The following SIGLEC6 variants were observed in gnomAD, a reference collection of about 807,000 sequenced individuals.
The protein encoded by SIGLEC6 is sialic acid-binding Ig-like lectin 6.
In SIGLEC6, 31 loss-of-function variants were observed where a neutral mutation model predicts 41.4. The observed-to-expected ratio is 0.75, with a 90% confidence interval of 0.56 to 1.01. The LOEUF is 1.01. SIGLEC6 is among the 50% of genes least tolerant of loss of function. SIGLEC6 has a pLI of 0.00. For synonymous variants in SIGLEC6, 217 were observed against 231.0 expected, an observed-to-expected ratio of 0.94 and a Z score of 0.55; for missense variants, 555 against 558.6, an observed-to-expected ratio of 0.99 and a Z score of 0.06.
intron 4 of SIGLEC6, 86 bp from the exon 5 acceptor site, chr19:51,530,067 G>T (rs894279548): frequency 8.9e-6 from 13 of 1,458,490 alleles, no homozygotes; most frequent in Non-Finnish European, 1.1e-5. Flanking sequence ...GTCCACACTA[G>T]CTCTGAGGAG....
chr19:51,521,418 G>A (rs958103537), intron 7 of SIGLEC6, among the ~76,000 whole-genome samples: 4 of 152,176 alleles, frequency 2.6e-5, no homozygotes, highest in African/African-American at 4.8e-5. Context: ...GTGACAGTGC[G>A]TGAATGGCTA....
chr19:51,527,154 CT>C (rs1979365157), intron 7 of SIGLEC6, among the ~76,000 whole-genome samples: 1 of 152,196 alleles, frequency 6.6e-6, no homozygotes, highest in Non-Finnish European at 1.5e-5. Context: ...TCCCCAACCT[CT>C]CTAGAGAGGT....
In SIGLEC6 at chr19:51,531,366, A is replaced by G. The variant is rs1397059700; in HGVS notation, c.221T>C (p.Val74Ala). Reference protein sequence around the residue: ...YGYWFLEGADVPVATNDPDEE... With the variant: ...YGYWFLEGADAPVATNDPDEE... ...GTCTGGGTCGTTTGTGGCCACTGGAACATCAGCCCCTTCCAGGAACCAGTA... is the reference window on the plus strand; with the variant it reads ...GTCTGGGTCGTTTGTGGCCACTGGAGCATCAGCCCCTTCCAGGAACCAGTA... The change falls in exon 2 of 8, where the codon GTT becomes GCT. Residue 74 changes from valine (V) to alanine (A), a missense_variant. By Grantham distance (64) the Val-to-Ala change is moderately conservative. Transcript: ENST00000425629. 6.2e-7 allele frequency: 1 copy of G among 1,614,120 alleles called. No homozygotes were observed. Among genetic ancestry groups the G allele is most frequent in the Non-Finnish European group, 8.5e-7 (1 of 1,180,000 alleles).
chr19:51,526,253 T>G (rs1272401253), intron 7 of SIGLEC6, among the ~76,000 whole-genome samples: 1 of 151,894 alleles, frequency 6.6e-6, no homozygotes, highest in Non-Finnish European at 1.5e-5. Context: ...GAGTGCCAAG[T>G]CAAGATCTGT....
At chr19:51,520,459 G>A (rs900402717) in intron 7 of SIGLEC6, among the ~76,000 whole-genome samples, 8 of 151,898 alleles carry the variant, frequency 5.3e-5, no homozygotes, top group African/African-American at 1.5e-4. Context: ...GCATGATCAC[G>A]GCTCAGGCAG....
Position 51,528,253 on chromosome 19 carries a change from C to T in SIGLEC6, c.1013G>A (p.Trp338Ter), listed in dbSNP as rs1979573454. 1 of 1,613,638 alleles carries T rather than the reference C, an allele frequency of 6.2e-7. No homozygotes were observed. Residue 338 changes from tryptophan to a stop codon, truncating the protein, a stop_gained and splice_region_variant, in exon 6 of 8, where the codon TGG (tryptophan) becomes TAG (stop). Coordinates refer to ENST00000425629, the MANE Select transcript of SIGLEC6 (RefSeq NM_001245.7). LOFTEE classifies it high-confidence loss of function. ...ACCACCAGCCCTGCCTTCTGGTTTC[C>T]CTATAATTTGAATTTTAAGTGAACT... ...LQISLSLFVH[W>*]KPEGRAGGVL...
Position 51,529,001 on chromosome 19 carries a change from C to CAAAAAAAAAA in SIGLEC6, c.1012+713_1012+722dup, listed in dbSNP as rs3072157. ...CTGGCAACAGAGTGAGACCCTCTCT[C>CAAAAAAAAAA]AAAAAAAAAAAAAAAAAGGGAAAAT... On this transcript the variant is annotated intron_variant, in intron 5 of 7. Transcript: ENST00000425629. Among the ~76,000 whole-genome samples the CAAAAAAAAAA allele has an allele frequency of 2.9e-4, 27 of 92,804 alleles. 1 individual carries two copies. The highest frequency in any genetic ancestry group is 1.0e-3 in the African/African-American group (23 of 21,962). 60.9% of individuals were successfully genotyped at this position (92,804 alleles called of 152,430 possible). A position where few individuals can be genotyped will look rare whatever the true frequency, so the allele number is the denominator to read the frequency against.
Position 51,529,862 on chromosome 19 carries a change from C to G in SIGLEC6, c.874G>C (p.Ala292Pro), listed in dbSNP as rs1420960508. 1 of 1,614,096 alleles carries G rather than the reference C, an allele frequency of 6.2e-7. No individual in the cohort carries two copies. The highest frequency in any genetic ancestry group is 1.1e-5 in the South Asian group (1 of 91,064). The change falls in exon 5 of 8, where the codon GCC becomes CCC. Residue 292 changes from alanine to proline, a missense_variant. Physicochemically the swap from Ala to Pro is conservative, Grantham distance 27 (BLOSUM62 -1). Coordinates refer to ENST00000425629, the MANE Select transcript of SIGLEC6 (RefSeq NM_001245.7). Reference sequence around the variant, plus strand: ...TTGGAGATGGGGGTGGCGTTCAGGGCGGGGAAGCCCTGGAACCAGCTCAGG... The same window carrying G: ...TTGGAGATGGGGGTGGCGTTCAGGGGGGGGAAGCCCTGGAACCAGCTCAGG... ...AHLSWFQGFP[A>P]LNATPISNTG...
chr19:51,528,513 A>T (rs909828072), intron 5 of SIGLEC6: 2 of 532,288 alleles, frequency 3.8e-6, no homozygotes, highest in African/African-American at 3.8e-5. Flanking sequence ...ATTTCTCTGG[A>T]GCAGTTAGGG....
rs562892015 is a variant in SIGLEC6 at position 51,529,803 on chromosome 19, A to G, written c.933T>C (p.Ser311=). Reference sequence around the variant, plus strand: ...GGCAGGTGAAATCTCCTTCTTCTGCAGACCCTACTTGAGGCAGCTCCAGGA... The same window carrying G: ...GGCAGGTGAAATCTCCTTCTTCTGCGGACCCTACTTGAGGCAGCTCCAGGA... ...TGVLELPQVG[S]AEEGDFTCRA... Residue 311 remains serine, a synonymous_variant, in exon 5 of 8, where the codon TCT becomes TCC. Transcript: ENST00000425629. The G allele has an allele frequency of 6.8e-6, 11 of 1,614,150 alleles. No individual in the cohort carries two copies. In the African/African-American group the frequency reaches 1.3e-4, roughly 20 times the overall value.
rs1465833191 is a variant in SIGLEC6, at chr19:51,519,715, A to G, written c.*367T>C. 1 of 154,574 alleles carries G rather than the reference A, an allele frequency of 6.5e-6. No individual in the cohort carries two copies. The highest frequency in any genetic ancestry group is 2.4e-5 in the African/African-American group (1 of 41,558). The allele number at this position is 154,574 out of a possible 1,614,324, so 9.6% of individuals were successfully genotyped here. ...GAAGTCCTAAATCTCAATATCTCAG[A>G]AGGTTACTGTATTTGGAGGGTCTTT... On this transcript the variant is annotated 3_prime_UTR_variant, in exon 8 of 8. Coordinates refer to ENST00000425629, the MANE Select transcript of SIGLEC6 (RefSeq NM_001245.7).
rs777703868 is a variant in SIGLEC6 at position 51,528,270 on chromosome 19, A to G, written c.1013-17T>C. 9 of 1,603,008 alleles carry G rather than the reference A, an allele frequency of 5.6e-6. No homozygotes were observed. In the South Asian group the frequency reaches 8.8e-5, roughly 16 times the overall value. ...CTGGTTTCCCTATAATTTGAATTTTAAGTGAACTCCAGTTCTAATTCCAGG... is the reference window on the plus strand; with the variant it reads ...CTGGTTTCCCTATAATTTGAATTTTGAGTGAACTCCAGTTCTAATTCCAGG... On this transcript the variant is annotated splice_polypyrimidine_tract_variant and intron_variant, in intron 5 of 7. Transcript: ENST00000425629.
chr19:51,530,497 G>C lies in SIGLEC6; in HGVS notation c.707-13C>G. ...TTCTGTGGAGCATCTGGGGTGGAAA[G>C]AGGTGGCCGCCTCAACATCCCTGAG... is the stretch of plus-strand genomic sequence containing the variant. On this transcript the variant is annotated splice_polypyrimidine_tract_variant and intron_variant, in intron 3 of 7. Transcript: ENST00000425629. The C allele has an allele frequency of 6.2e-7, 1 of 1,614,100 alleles. No individual in the cohort carries two copies. Among genetic ancestry groups the C allele is most frequent in the Admixed American group, 1.7e-5 (1 of 60,022 alleles).
intron 7 of SIGLEC6, among the ~76,000 whole-genome samples, chr19:51,520,708 G>T (rs1043681804): frequency 6.6e-6 from 1 of 152,158 alleles, no homozygotes; most frequent in African/African-American, 2.4e-5. Context: ...TAATAATTAA[G>T]ATTGGCAAGC....
chr19:51,521,256 G>A (rs928570900), intron 7 of SIGLEC6, among the ~76,000 whole-genome samples: 1 of 152,148 alleles, frequency 6.6e-6, no homozygotes, highest in Non-Finnish European at 1.5e-5. Context: ...CACACACTAA[G>A]TGTGTTATAT....
At chr19:51,520,587 G>T (rs62116203) in intron 7 of SIGLEC6, among the ~76,000 whole-genome samples, 8,172 of 22,444 alleles carry the variant, frequency 0.36, 307 homozygotes, top group South Asian at 0.49. Context: ...ATGTTGCCCA[G>T]GCTGGTCTTG....
At chr19:51,521,738 T>G (rs1382335415) in intron 7 of SIGLEC6, among the ~76,000 whole-genome samples, 1 of 152,152 alleles carries the variant, frequency 6.6e-6, no homozygotes, top group East Asian at 1.9e-4. Context: ...GAATCATGAC[T>G]TGAATTATTC....
At position 51,523,332 on chromosome 19, in the gene SIGLEC6, C is replaced by G. The variant is rs142920348; in HGVS notation, c.1189-3077G>C. Among the ~76,000 whole-genome samples, 724 of 152,220 alleles carry G rather than the reference C, an allele frequency of 4.8e-3. 7 individuals are homozygous for G. The highest frequency in any genetic ancestry group is 0.017 in the African/African-American group (692 of 41,532). ...AAATAAATAAGCACAGCTTCATTGG[C>G]CTGTGGGACAATATCAAGCATTCTG... On this transcript the variant is annotated intron_variant, in intron 7 of 7. Coordinates refer to ENST00000425629, the MANE Select transcript of SIGLEC6 (RefSeq NM_001245.7).
At chr19:51,526,691 A>G (rs1189526108) in intron 7 of SIGLEC6, among the ~76,000 whole-genome samples, 3 of 152,234 alleles carry the variant, frequency 2.0e-5, no homozygotes, top group Non-Finnish European at 4.4e-5. Context: ...GTTCTTAACC[A>G]GAATGAAATG....
Sources: allele counts gnomAD v4.1 joint callset (sites outside exome capture counted in the v4.1 genomes callset), GRCh38; gene constraint gnomAD v4.1.1; transcripts MANE v1.5; gene names NCBI Gene and HGNC (gene_info 2026-07-23, HGNC 2026-07-21).